The following CEP192 variants were observed in gnomAD, a reference collection of about 807,000 sequenced individuals.
CEP192 encodes centrosomal protein 192.
Under a neutral mutation model 271.8 loss-of-function variants are expected in CEP192, and 151 were observed. The ratio of observed to expected loss-of-function variants is 0.56; its 90% confidence interval spans 0.49 to 0.64. The LOEUF (loss-of-function observed/expected upper bound fraction) is 0.64, where lower values mean the gene tolerates loss of function less well. Ranked by LOEUF, CEP192 falls within the 30% of genes least tolerant of loss-of-function variation. The pLI is 0.00. For synonymous variants in CEP192, 995 were observed against 1,076.5 expected (o/e 0.92, Z 1.48); for missense variants, 2,910 against 3,020.5 (o/e 0.96, Z 0.86).
At chr18:13,077,468 T>C (rs1282278580) in intron 30 of CEP192, among the ~76,000 whole-genome samples, 2 of 152,184 alleles carry the variant, frequency 1.3e-5, no homozygotes, top group East Asian at 3.8e-4. Context: ...TAATTAGGAA[T>C]GAAAGATAAT....
intron 1 of CEP192, among the ~76,000 whole-genome samples, chr18:12,993,597 C>T (rs960704593): frequency 2.6e-5 from 4 of 152,202 alleles, no homozygotes; most frequent in Admixed American, 6.5e-5. Flanking sequence ...GTCCTTCCAC[C>T]GTGGCCTCCT....
chr18:13,007,980 C>T (rs552017796), intron 3 of CEP192, among the ~76,000 whole-genome samples: 1 of 152,214 alleles, frequency 6.6e-6, no homozygotes, highest in Non-Finnish European at 1.5e-5. Flanking sequence ...AAGAAAAATA[C>T]TTTCATCCAC....
chr18:13,028,151 C>T (rs2035409160), intron 9 of CEP192, among the ~76,000 whole-genome samples: 1 of 152,202 alleles, frequency 6.6e-6, no homozygotes, highest in African/African-American at 2.4e-5. Flanking sequence ...GCAGCACTCA[C>T]ATCTCTCTCT....
chr18:13,049,912 T>A, intron 17 of CEP192, 21 bp downstream of exon 17: 1 of 1,591,886 alleles, frequency 6.3e-7, no homozygotes, highest in Non-Finnish European at 8.5e-7. Flanking sequence ...ACCTTCTTTT[T>A]TAAAAAATAA....
At chr18:13,080,599 T>G (rs1197818290) in intron 30 of CEP192, among the ~76,000 whole-genome samples, 2 of 152,318 alleles carry the variant, frequency 1.3e-5, no homozygotes, top group Non-Finnish European at 2.9e-5. Context: ...ACAATTTGAC[T>G]TCCTCTTTTC....
intron 37 of CEP192, 89 bp from the exon 38 acceptor site, chr18:13,100,216 C>A: frequency 1.2e-6 from 1 of 867,838 alleles, no homozygotes. Flanking sequence ...TTTGGCATTT[C>A]TTTTCTCTAC....
intron 30 of CEP192, among the ~76,000 whole-genome samples, chr18:13,086,308 C>T (rs1178145654): frequency 1.3e-5 from 2 of 152,312 alleles, no homozygotes; most frequent in African/African-American, 4.8e-5. Context: ...TCTAAATATA[C>T]AATCATGTCA....
chr18:13,048,148 GTCAACTGAGGTGCAAAAATAT>G (rs1242610317), intron 15 of CEP192, among the ~76,000 whole-genome samples: 3 of 152,058 alleles, frequency 2.0e-5, no homozygotes, highest in African/African-American at 4.8e-5. Flanking sequence ...GTTACCCATG[GTCAACTGAGGTGCAAAAATAT>G]TCAGTGGAAA....
chr18:13,089,602 T>C (rs1249301514), intron 33 of CEP192, 37 bp downstream of exon 33: 1 of 1,021,842 alleles, frequency 9.8e-7, no homozygotes, highest in African/African-American at 1.6e-5. Flanking sequence ...ATTAAATCTT[T>C]TGGGTCATTT....
At chr18:13,035,782 A>C (rs1050415732) in intron 11 of CEP192, among the ~76,000 whole-genome samples, 2 of 152,190 alleles carry the variant, frequency 1.3e-5, no homozygotes, top group African/African-American at 4.8e-5. Context: ...ATGATTTTGC[A>C]TGTAATTTTG....
chr18:13,016,712 C>T (rs952312733), intron 6 of CEP192, among the ~76,000 whole-genome samples: 1 of 152,098 alleles, frequency 6.6e-6, no homozygotes, highest in Non-Finnish European at 1.5e-5. Flanking sequence ...ACTGAGGGGT[C>T]ATGTTTTATT....
chr18:13,123,228 G>C (rs1470135849), intron 44 of CEP192, among the ~76,000 whole-genome samples: 1 of 152,126 alleles, frequency 6.6e-6, no homozygotes, highest in East Asian at 1.9e-4. Context: ...GAAAATTGTA[G>C]CTAATGCCAT....
chr18:13,067,927 A>G lies in CEP192; in HGVS notation c.4585A>G (p.Thr1529Ala). ...PLKLINRTHA[T>A]VPIRLIINAN... ...AAAATTGATAAACCGAACGCATGCC[A>G]CTGTGCCAATTAGACTGATTATTAA... Residue 1529 changes from threonine (T) to alanine (A), a missense_variant, in exon 22 of 45, where the codon ACT becomes GCT. Physicochemically the swap from Thr to Ala is moderately conservative, Grantham distance 58. Transcript: ENST00000506447. The G allele has an allele frequency of 1.9e-6, 3 of 1,612,894 alleles. No homozygotes were observed. The highest frequency in any genetic ancestry group is 2.5e-6 in the Non-Finnish European group (3 of 1,178,886).
At chr18:13,082,917 A>G (rs554969945) in intron 30 of CEP192, among the ~76,000 whole-genome samples, 2 of 152,212 alleles carry the variant, frequency 1.3e-5, no homozygotes, top group East Asian at 3.9e-4. Flanking sequence ...CTGGGTTGAA[A>G]ATTCTTTCCT....
At position 12,999,587 on chromosome 18, in the gene CEP192, A is replaced by G; in HGVS notation, c.163A>G (p.Arg55Gly). The change falls in exon 2 of 45, where the codon AGG becomes GGG. Residue 55 changes from arginine (R) to glycine (G), a missense_variant and splice_region_variant. Physicochemically the swap from Arg to Gly is moderately radical, Grantham distance 125 (BLOSUM62 -2). Coordinates refer to ENST00000506447, the MANE Select transcript of CEP192 (RefSeq NM_032142.4). ...TAGGGATAGATCCAGCACTGATAACAGGTAAGATTTGTTTGAGCAGATTTT... is the reference window on the plus strand; with the variant it reads ...TAGGGATAGATCCAGCACTGATAACGGGTAAGATTTGTTTGAGCAGATTTT... Reference protein sequence around the residue: ...LARDRSSTDNRYPDIQASYLV... With the variant: ...LARDRSSTDNGYPDIQASYLV... The G allele has an allele frequency of 6.6e-7, 1 of 1,522,440 alleles. No individual in the cohort carries two copies. The highest frequency in any genetic ancestry group is 8.8e-7 in the Non-Finnish European group (1 of 1,136,988). The allele number at this position is 1,522,440 out of a possible 1,614,324, so 94.3% of individuals were successfully genotyped here.
intron 9 of CEP192, among the ~76,000 whole-genome samples, chr18:13,027,553 G>T (rs1248609204): frequency 6.6e-6 from 1 of 152,092 alleles, no homozygotes; most frequent in Non-Finnish European, 1.5e-5. Flanking sequence ...CTCTGTATTT[G>T]CCTGTCTCTC....
intron 3 of CEP192, among the ~76,000 whole-genome samples, chr18:13,004,231 C>T (rs2033839089): frequency 6.6e-6 from 1 of 151,732 alleles, no homozygotes; most frequent in African/African-American, 2.4e-5. Context: ...TGGAGTTTTG[C>T]TGTGAAAGGG....
chr18:13,029,327 T>C (rs1050192088), intron 9 of CEP192, among the ~76,000 whole-genome samples: 2 of 152,234 alleles, frequency 1.3e-5, no homozygotes, highest in Non-Finnish European at 2.9e-5. Flanking sequence ...AGGCTTACCA[T>C]GTTTGTGGAG....
intron 21 of CEP192, among the ~76,000 whole-genome samples, chr18:13,064,463 T>C (rs911854748): frequency 6.6e-6 from 1 of 151,838 alleles, no homozygotes; most frequent in African/African-American, 2.4e-5. Context: ...ATACAAAAAA[T>C]TAGCCAGGCG....
Sources: gnomAD v4.1 joint callset for allele counts (sites outside exome capture counted in the v4.1 genomes callset) on GRCh38, gnomAD v4.1.1 for gene constraint, MANE v1.5 for transcripts, NCBI Gene and HGNC (gene_info 2026-07-23, HGNC 2026-07-21) for gene names.